STXBP5L: variants seen among roughly 807,000 people sequenced by gnomAD.
STXBP5L encodes syntaxin binding protein 5L.
In STXBP5L, 65 loss-of-function variants were observed where a neutral mutation model predicts 144.5. The observed-to-expected ratio is 0.45, with a 90% CI of 0.37 to 0.55. STXBP5L has a LOEUF of 0.55. Ranked by LOEUF, STXBP5L falls within the 20% of genes least tolerant of loss-of-function variation. The pLI, the probability that STXBP5L is intolerant of heterozygous loss-of-function variation, is 0.00. For synonymous variants in STXBP5L, 505 were observed against 469.6 expected (o/e 1.08, Z -0.97); for missense variants, 1,298 against 1,405.5 (o/e 0.92, Z 1.22).
intron 11 of STXBP5L, among the ~76,000 whole-genome samples, chr3:121,229,563 T>C (rs1330329419): frequency 1.3e-5 from 2 of 152,080 alleles, no homozygotes; most frequent in African/African-American, 4.8e-5. Context: ...TTTTCATTTT[T>C]TTACTTTTTA....
At chr3:121,319,526 T>A (rs1310241276) in intron 20 of STXBP5L, among the ~76,000 whole-genome samples, 1 of 152,148 alleles carries the variant, frequency 6.6e-6, no homozygotes, top group Non-Finnish European at 1.5e-5. Flanking sequence ...ATATTTTTAA[T>A]TCTTATTTTA....
chr3:121,028,343 G>T (rs1239837960), intron 3 of STXBP5L, among the ~76,000 whole-genome samples: 1 of 151,972 alleles, frequency 6.6e-6, no homozygotes, highest in Non-Finnish European at 1.5e-5. Context: ...GATATTATTA[G>T]TAATGGAAAA....
chr3:121,168,285 C>A (rs1329786384), intron 9 of STXBP5L, among the ~76,000 whole-genome samples: 3 of 152,126 alleles, frequency 2.0e-5, no homozygotes, highest in African/African-American at 4.8e-5. Context: ...TTCTCCTTCT[C>A]CACATGATCA....
chr3:120,956,171 G>C (rs1024659942), intron 3 of STXBP5L, among the ~76,000 whole-genome samples: 3 of 151,758 alleles, frequency 2.0e-5, no homozygotes, highest in Non-Finnish European at 2.9e-5. Context: ...ACAACTGAAG[G>C]GTCATGTGGT....
At chr3:121,164,182 G>A (rs561340724) in intron 9 of STXBP5L, among the ~76,000 whole-genome samples, 2 of 152,146 alleles carry the variant, frequency 1.3e-5, no homozygotes, top group East Asian at 3.9e-4. Flanking sequence ...TAAAAAATGA[G>A]TGAAGGATCT....
chr3:120,940,417 A>G (rs2107649962), intron 2 of STXBP5L, among the ~76,000 whole-genome samples: 1 of 152,116 alleles, frequency 6.6e-6, no homozygotes, highest in East Asian at 1.9e-4. Context: ...AAGAGTCTAG[A>G]AGAGTATGAT....
chr3:121,226,370 A>G (rs2049124181), intron 11 of STXBP5L, among the ~76,000 whole-genome samples: 1 of 152,152 alleles, frequency 6.6e-6, no homozygotes, highest in African/African-American at 2.4e-5. Flanking sequence ...ACTCTTTGTG[A>G]TGTGAATTGA....
At chr3:121,001,682 G>T (rs563673576) in intron 3 of STXBP5L, among the ~76,000 whole-genome samples, 6 of 152,166 alleles carry the variant, frequency 3.9e-5, no homozygotes, top group East Asian at 1.9e-4. Flanking sequence ...CAGGAGCTTC[G>T]TGGGGCCAGG....
intron 3 of STXBP5L, among the ~76,000 whole-genome samples, chr3:121,029,939 G>T (rs111997340): frequency 0.12 from 18,282 of 151,916 alleles, 1,157 homozygotes; most frequent in Non-Finnish European, 0.14. Context: ...GCTCATCATC[G>T]CTGGTCATTA....
At chr3:121,000,258 A>C (rs941700978) in intron 3 of STXBP5L, among the ~76,000 whole-genome samples, 7 of 152,066 alleles carry the variant, frequency 4.6e-5, no homozygotes, top group African/African-American at 1.7e-4. Flanking sequence ...GGAGTCATAG[A>C]TTTGGTCTAT....
At chr3:121,142,654 A>G (rs1454586852) in intron 7 of STXBP5L, among the ~76,000 whole-genome samples, 2 of 151,966 alleles carry the variant, frequency 1.3e-5, no homozygotes, top group African/African-American at 4.8e-5. Context: ...CTAAACAACC[A>G]TTGCCTCAAT....
chr3:121,337,352 A>G (rs567354730), intron 20 of STXBP5L, among the ~76,000 whole-genome samples: 82 of 152,174 alleles, frequency 5.4e-4, no homozygotes, highest in Middle Eastern at 3.4e-3. Context: ...AAGGGGTGGA[A>G]AAAGATATTC....
intron 19 of STXBP5L, among the ~76,000 whole-genome samples, chr3:121,301,716 T>C (rs1182636873): frequency 6.6e-6 from 1 of 152,208 alleles, no homozygotes; most frequent in African/African-American, 2.4e-5. Context: ...TTGAGATATG[T>C]CCCATCAATA....
At chr3:121,026,409 A>T (rs1017743338) in intron 3 of STXBP5L, among the ~76,000 whole-genome samples, 1 of 152,168 alleles carries the variant, frequency 6.6e-6, no homozygotes, top group East Asian at 1.9e-4. Flanking sequence ...TTTTATTTTC[A>T]TTATAACACA....
chr3:121,230,378 G>A (rs896215667), intron 11 of STXBP5L, among the ~76,000 whole-genome samples: 4 of 148,684 alleles, frequency 2.7e-5, no homozygotes, highest in South Asian at 2.1e-4. Flanking sequence ...TAATTTATGA[G>A]TACTCATCTA....
intron 5 of STXBP5L, among the ~76,000 whole-genome samples, chr3:121,102,418 G>A (rs906396607): frequency 6.6e-6 from 1 of 151,938 alleles, no homozygotes; most frequent in African/African-American, 2.4e-5. Flanking sequence ...CACACCTACA[G>A]CCATCTGATC....
intron 20 of STXBP5L, among the ~76,000 whole-genome samples, chr3:121,362,954 A>C (rs936139950): frequency 3.3e-5 from 5 of 152,062 alleles, no homozygotes; most frequent in African/African-American, 1.2e-4. Flanking sequence ...GGAGGTGATC[A>C]ATGCTGCCAG....
intron 5 of STXBP5L, among the ~76,000 whole-genome samples, chr3:121,112,550 C>A (rs1223257664): frequency 6.6e-6 from 1 of 151,804 alleles, no homozygotes; most frequent in African/African-American, 2.4e-5. Flanking sequence ...GTTCTTCTCT[C>A]GCCGTTTTCA....
intron 3 of STXBP5L, among the ~76,000 whole-genome samples, chr3:120,967,577 T>C (rs1939754162): frequency 6.6e-6 from 1 of 152,200 alleles, no homozygotes; most frequent in Non-Finnish European, 1.5e-5. Context: ...TTGTTGATAT[T>C]TGTTTAGTCT....
Sources: allele counts gnomAD v4.1 joint callset (sites outside exome capture counted in the v4.1 genomes callset), GRCh38; gene constraint gnomAD v4.1.1; transcripts MANE v1.5; gene names NCBI Gene and HGNC (gene_info 2026-07-23, HGNC 2026-07-21).